The following AUH variants were observed in gnomAD, a reference collection of about 807,000 sequenced individuals.
The protein encoded by AUH is methylglutaconyl-CoA hydratase, mitochondrial.
In AUH, 29 loss-of-function variants were observed where a neutral mutation model predicts 42.3. The ratio of observed to expected loss-of-function variants is 0.69; its 90% CI spans 0.51 to 0.93. The LOEUF is 0.93. Ranked by LOEUF, AUH falls within the 40% of genes least tolerant of loss-of-function variation. AUH has a pLI of 0.00. For missense variants in AUH, 452 were observed against 438.1 expected (o/e 1.03, Z -0.28); for synonymous variants, 174 against 166.4 (o/e 1.05, Z -0.35).
rs369312835 is a variant in AUH at position 91,289,614 on chromosome 9, A to T, written c.655+6407T>A. ...AAGCTCTTTACAACATTTAACAGAA[A>T]TGTTTATACCCAAAAGGAGGATATC... On this transcript the variant is annotated intron_variant, in intron 6 of 9. Transcript: ENST00000375731. Among the ~76,000 whole-genome samples, 37 of 152,344 alleles carry T rather than the reference A, an allele frequency of 2.4e-4. 1 individual carries two copies. The South Asian group carries it at 7.0e-3, about 29-fold the overall frequency.
At chr9:91,262,802 C>T (rs986566844) in intron 6 of AUH, among the ~76,000 whole-genome samples, 2 of 152,136 alleles carry the variant, frequency 1.3e-5, no homozygotes, top group African/African-American at 4.8e-5. Context: ...GGTCAGTGAA[C>T]CAGCTGCCTG....
At chr9:91,281,910 C>A (rs1338847294) in intron 6 of AUH, among the ~76,000 whole-genome samples, 1 of 152,152 alleles carries the variant, frequency 6.6e-6, no homozygotes, top group Non-Finnish European at 1.5e-5. Context: ...CTATTGTCTG[C>A]TCCTAACACA....
intron 6 of AUH, among the ~76,000 whole-genome samples, chr9:91,246,407 G>A (rs1828797496): frequency 6.6e-6 from 1 of 152,146 alleles, no homozygotes; most frequent in Non-Finnish European, 1.5e-5. Context: ...CACACACATG[G>A]CATCCTAAAG....
chr9:91,241,313 C>T (rs1378128473), intron 6 of AUH, among the ~76,000 whole-genome samples: 2 of 152,098 alleles, frequency 1.3e-5, no homozygotes, highest in Non-Finnish European at 2.9e-5. Context: ...AATATCATGC[C>T]ATAACATGCC....
At chr9:91,323,677 C>T (rs186221056) in intron 4 of AUH, among the ~76,000 whole-genome samples, 2 of 147,854 alleles carry the variant, frequency 1.4e-5, no homozygotes, top group East Asian at 3.9e-4. Context: ...AAGACTACAA[C>T]GAAAACAAGG....
chr9:91,276,622 C>T (rs1430008154), intron 6 of AUH, among the ~76,000 whole-genome samples: 4 of 152,004 alleles, frequency 2.6e-5, no homozygotes, highest in South Asian at 2.1e-4. Flanking sequence ...CACTTTGCAG[C>T]GCCACATCTA....
At chr9:91,225,891 T>C (rs1827432607) in intron 6 of AUH, among the ~76,000 whole-genome samples, 1 of 151,910 alleles carries the variant, frequency 6.6e-6, no homozygotes, top group Non-Finnish European at 1.5e-5. Flanking sequence ...CATCATTTTT[T>C]ATGGCTGCAT....
intron 6 of AUH, among the ~76,000 whole-genome samples, chr9:91,221,946 T>A (rs185248025): frequency 6.6e-6 from 1 of 152,254 alleles, no homozygotes; most frequent in Admixed American, 6.5e-5. Context: ...TGAAAACAGC[T>A]TCAACATCAG....
At chr9:91,249,316 AAAAAAAAG>A (rs1828989521) in intron 6 of AUH, among the ~76,000 whole-genome samples, 1 of 150,708 alleles carries the variant, frequency 6.6e-6, no homozygotes. Flanking sequence ...AAAAAAAAAA[AAAAAAAAG>A]AACACAATAT....
chr9:91,337,671 G>A (rs1226595352), intron 3 of AUH, among the ~76,000 whole-genome samples: 1 of 152,106 alleles, frequency 6.6e-6, no homozygotes, highest in Non-Finnish European at 1.5e-5. Flanking sequence ...CAAAATGACT[G>A]GATTCAGGCA....
chr9:91,296,106 C>G, intron 5 of AUH, 29 bp from the exon 6 acceptor site: 5 of 1,601,056 alleles, frequency 3.1e-6, no homozygotes, highest in Non-Finnish European at 3.4e-6. Context: ...AATTAAGTAT[C>G]ATCCATATCA....
intron 6 of AUH, among the ~76,000 whole-genome samples, chr9:91,242,942 T>C (rs1283520626): frequency 1.3e-5 from 2 of 152,140 alleles, no homozygotes; most frequent in African/African-American, 4.8e-5. Flanking sequence ...GGGCACATGA[T>C]GAAAATTTAA....
intron 1 of AUH, among the ~76,000 whole-genome samples, chr9:91,360,866 G>C (rs1048821941): frequency 6.6e-6 from 1 of 152,094 alleles, no homozygotes. Flanking sequence ...GGAGGTTAAG[G>C]GTGGAAACTG....
intron 3 of AUH, among the ~76,000 whole-genome samples, chr9:91,353,986 T>C (rs1587926277): frequency 6.6e-6 from 1 of 150,394 alleles, no homozygotes; most frequent in Non-Finnish European, 1.5e-5. Context: ...GGCCAACATG[T>C]TGAAACCCCG....
At chr9:91,317,966 C>T (rs1829280653) in intron 4 of AUH, among the ~76,000 whole-genome samples, 1 of 152,176 alleles carries the variant, frequency 6.6e-6, no homozygotes, top group East Asian at 1.9e-4. Flanking sequence ...CCTGGGAAAG[C>T]CCAATTTGGT....
At chr9:91,286,284 G>A (rs1826398962) in intron 6 of AUH, among the ~76,000 whole-genome samples, 1 of 152,054 alleles carries the variant, frequency 6.6e-6, no homozygotes, top group South Asian at 2.1e-4. Context: ...CTGCCCTACT[G>A]CTGAACACAG....
Position 91,355,938 on chromosome 9 carries a change from A to T in AUH, c.363T>A (p.Asp121Glu). Residue 121 changes from aspartate to glutamate, a missense_variant, in exon 3 of 10, where the codon GAT becomes GAA. Physicochemically the swap from Asp to Glu is conservative, Grantham distance 45. Coordinates refer to ENST00000375731, the MANE Select transcript of AUH (RefSeq NM_001698.3). ...LSKAVDALKS[D>E]KKVRTIIIRS... ...TGATTATTATGGTCCGTACTTTCTTATCAGATTTCAAAGCATCCACAGCTT... is the reference window on the plus strand; with the variant it reads ...TGATTATTATGGTCCGTACTTTCTTTTCAGATTTCAAAGCATCCACAGCTT... The T allele has an allele frequency of 6.2e-7, 1 of 1,613,730 alleles. No individual in the cohort carries two copies. The highest frequency in any genetic ancestry group is 2.2e-5 in the East Asian group (1 of 44,814).
At chr9:91,242,355 T>C (rs1484340205) in intron 6 of AUH, among the ~76,000 whole-genome samples, 1 of 152,174 alleles carries the variant, frequency 6.6e-6, no homozygotes, top group Non-Finnish European at 1.5e-5. Context: ...CATCTTTCTT[T>C]TACCAAAAAA....
intron 6 of AUH, among the ~76,000 whole-genome samples, chr9:91,233,714 C>G (rs992209797): frequency 2.0e-5 from 3 of 152,192 alleles, no homozygotes; most frequent in African/African-American, 4.8e-5. Flanking sequence ...CTACAAAGAT[C>G]AATAACAAGT....
Sources: allele counts gnomAD v4.1 joint callset (sites outside exome capture counted in the v4.1 genomes callset), GRCh38; gene constraint gnomAD v4.1.1; transcripts MANE v1.5; gene names NCBI Gene and HGNC (gene_info 2026-07-23, HGNC 2026-07-21).